Variants in PSKH2 observed in about 807,000 individuals in gnomAD.
The protein encoded by PSKH2 is serine/threonine-protein kinase H2.
Under a neutral mutation model 22.5 loss-of-function variants are expected in PSKH2, and 16 were observed. That is an observed-to-expected ratio of 0.71 (90% CI 0.48 to 1.08). The LOEUF (loss-of-function observed/expected upper bound fraction) is 1.08. Among genes scored for constraint, PSKH2 ranks in the 50% least tolerant of loss-of-function variants. PSKH2 has a pLI of 0.00. For synonymous variants in PSKH2, 188 were observed against 184.8 expected (o/e 1.02, Z -0.14); for missense variants, 516 against 492.8 (o/e 1.05, Z -0.44).
chr8:86,069,469 G>T lies in PSKH2; in HGVS notation c.154C>A (p.Arg52=), dbSNP rs1446657112. The T allele has an allele frequency of 6.2e-7, 1 of 1,600,048 alleles. No homozygotes were observed. Among genetic ancestry groups the T allele is most frequent in the Non-Finnish European group, 8.5e-7 (1 of 1,174,620 alleles). ...AAQRIQVARF[R]AKFDPRVLAR... Reference sequence around the variant, plus strand: ...AGGACCCGGGGGTCGAACTTGGCTCGGAAGCGAGCCACCTGTATCCTCTGC... The same window carrying T: ...AGGACCCGGGGGTCGAACTTGGCTCTGAAGCGAGCCACCTGTATCCTCTGC... Residue 52 remains arginine, a synonymous_variant, in exon 1 of 3, where the codon CGA becomes AGA. Transcript: ENST00000276616.
At position 86,064,297 on chromosome 8, in the gene PSKH2, A is replaced by C; in HGVS notation, c.520T>G (p.Leu174Val). 6.2e-7 allele frequency: 1 copy of C among 1,614,068 alleles called. No individual in the cohort carries two copies. The highest frequency in any genetic ancestry group is 8.5e-7 in the Non-Finnish European group (1 of 1,179,948). The change falls in exon 2 of 3, where the codon TTG becomes GTG. Residue 174 changes from leucine (L) to valine (V), a missense_variant. Transcript: ENST00000276616. ...LQMVADGIRY[L>V]HALQITHRNL... ...CTATGAGTTATCTGCAGCGCATGCA[A>C]ATACCTAATCCCATCAGCAACCATC...
intron 2 of PSKH2, among the ~76,000 whole-genome samples, chr8:86,055,264 A>G (rs1817685271): frequency 6.6e-6 from 1 of 152,212 alleles, no homozygotes; most frequent in East Asian, 1.9e-4. Context: ...TAATCAAGGA[A>G]GCAGATAGCA....
chr8:86,057,551 T>C (rs1817718528), intron 2 of PSKH2, among the ~76,000 whole-genome samples: 1 of 152,024 alleles, frequency 6.6e-6, no homozygotes, highest in Non-Finnish European at 1.5e-5. Context: ...CACACCCAGC[T>C]AATTTTTGTA....
intron 2 of PSKH2, among the ~76,000 whole-genome samples, chr8:86,054,986 T>C (rs4961059): frequency 0.85 from 129,601 of 152,096 alleles, 55,496 homozygotes; most frequent in African/African-American, 0.91. Flanking sequence ...CCAAAATAAA[T>C]GGGTTGGCCT....
chr8:86,052,508 A>G (rs962126725), intron 2 of PSKH2, among the ~76,000 whole-genome samples: 4 of 152,218 alleles, frequency 2.6e-5, no homozygotes, highest in Non-Finnish European at 5.9e-5. Flanking sequence ...CGAGATTGCC[A>G]TTAGGACCAA....
At chr8:86,058,399 A>G (rs567009574) in intron 2 of PSKH2, among the ~76,000 whole-genome samples, 18 of 152,362 alleles carry the variant, frequency 1.2e-4, no homozygotes, top group Non-Finnish European at 1.0e-4. Context: ...ATTATCATCT[A>G]CCTAACTATA....
intron 2 of PSKH2, 22 bp from the exon 3 acceptor site, chr8:86,048,789 T>C: frequency 3.9e-6 from 6 of 1,540,544 alleles, no homozygotes; most frequent in Non-Finnish European, 5.3e-6. Context: ...AATAAATAAG[T>C]TAGAATAAAA....
chr8:86,056,741 T>C lies in PSKH2; in HGVS notation c.852+7224A>G, dbSNP rs114112607. Among the ~76,000 whole-genome samples, 563 of 152,312 alleles carry C rather than the reference T, an allele frequency of 3.7e-3. 5 individuals carry two copies. Among genetic ancestry groups the C allele is most frequent in the African/African-American group, 0.013 (525 of 41,554 alleles). On this transcript the variant is annotated intron_variant, in intron 2 of 2. Coordinates refer to ENST00000276616, the MANE Select transcript of PSKH2 (RefSeq NM_033126.3). ...TCAGCACCTACATCTATTAGCTTAT[T>C]TGATCTTCACAACAACCCTTTTAGG...
At chr8:86,060,451 A>G (rs1397795199) in intron 2 of PSKH2, among the ~76,000 whole-genome samples, 1 of 152,222 alleles carries the variant, frequency 6.6e-6, no homozygotes, top group Non-Finnish European at 1.5e-5. Flanking sequence ...TTGGCAATAG[A>G]CGCTAAATAT....
chr8:86,064,526 T>C lies in PSKH2; in HGVS notation c.291A>G (p.Arg97=), dbSNP rs1400808443. The C allele has an allele frequency of 2.5e-6, 4 of 1,613,906 alleles. No individual in the cohort carries two copies. The highest frequency in any genetic ancestry group is 3.4e-6 in the Non-Finnish European group (4 of 1,179,984). Residue 97 remains arginine, a synonymous_variant, in exon 2 of 3, where the codon AGA becomes AGG. Transcript: ENST00000276616. ...CGCACGCTTCTCTACCTTCCCTCTCTCTGGTTTCCATCACTTTTATTGCAA... is the reference window on the plus strand; with the variant it reads ...CGCACGCTTCTCTACCTTCCCTCTCCCTGGTTTCCATCACTTTTATTGCAA... ...KPFAIKVMET[R]EREGREACVS...
chr8:86,057,059 T>C (rs1383074437), intron 2 of PSKH2, among the ~76,000 whole-genome samples: 2 of 151,758 alleles, frequency 1.3e-5, no homozygotes. Flanking sequence ...GCTAGGACTA[T>C]AGGCACATGT....
At chr8:86,058,353 G>A (rs1198848260) in intron 2 of PSKH2, among the ~76,000 whole-genome samples, 1 of 152,196 alleles carries the variant, frequency 6.6e-6, no homozygotes, top group Non-Finnish European at 1.5e-5. Flanking sequence ...ACCTATTCCA[G>A]AATGGACCTA....
At chr8:86,055,231 G>T (rs1295065553) in intron 2 of PSKH2, among the ~76,000 whole-genome samples, 3 of 152,116 alleles carry the variant, frequency 2.0e-5, no homozygotes, top group African/African-American at 7.2e-5. Context: ...TTCCACTGAT[G>T]ATATCAAGGT....
At chr8:86,049,737 AGAAAGAAAGAAAC>A (rs1160055521) in intron 2 of PSKH2, among the ~76,000 whole-genome samples, 7,623 of 44,048 alleles carry the variant, frequency 0.17, 740 homozygotes, top group East Asian at 0.27. Flanking sequence ...AAAGAAAGAA[AGAAAGAAAGAAAC>A]GAAAGAAAGA....
At position 86,048,308 on chromosome 8, in the gene PSKH2, G is replaced by A. The variant is rs1252666588; in HGVS notation, c.*154C>T. 28 of 593,634 alleles carry A rather than the reference G, an allele frequency of 4.7e-5. No individual in the cohort carries two copies. Among genetic ancestry groups the A allele is most frequent in the Non-Finnish European group, 6.9e-5 (24 of 345,630 alleles). 36.8% of individuals were successfully genotyped at this position (593,634 alleles called of 1,614,324 possible). On this transcript the variant is annotated 3_prime_UTR_variant, in exon 3 of 3. Coordinates refer to ENST00000276616, the MANE Select transcript of PSKH2 (RefSeq NM_033126.3). ...GTATATTTTGGGAAAATGAATACAG[G>A]TATAGGAAAAATTATAGAACAAGAA... is the stretch of plus-strand genomic sequence containing the variant.
rs200368341 is a variant in PSKH2, at chr8:86,048,641, A to G, written c.979T>C (p.Ser327Pro). The G allele has an allele frequency of 5.0e-6, 8 of 1,613,882 alleles. No individual in the cohort carries two copies. In the Admixed American group the frequency reaches 6.7e-5, roughly 13 times the overall value. The change falls in exon 3 of 3, where the codon TCT (serine) becomes CCT (proline). Residue 327 changes from serine to proline, a missense_variant. Coordinates refer to ENST00000276616, the MANE Select transcript of PSKH2 (RefSeq NM_033126.3). ...HPWVITMAAGSSMKNLQRAIS... is the reference protein window; with the variant it reads ...HPWVITMAAGPSMKNLQRAIS... Reference sequence around the variant, plus strand: ...GCCCTCTGGAGATTCTTCATGGAAGACCCTGCAGCCATGGTGATCACCCAG... The same window carrying G: ...GCCCTCTGGAGATTCTTCATGGAAGGCCCTGCAGCCATGGTGATCACCCAG...
In PSKH2 at chr8:86,069,428, G is replaced by C. The variant is rs1227369690; in HGVS notation, c.185+10C>G. Reference sequence around the variant, plus strand: ...CCAGTCCCAGGCCAGTTCCTCACGTGGCGCTTTACCTGGCAAGGACCCGGG... The same window carrying C: ...CCAGTCCCAGGCCAGTTCCTCACGTCGCGCTTTACCTGGCAAGGACCCGGG... On this transcript the variant is annotated intron_variant, in intron 1 of 2. Coordinates refer to ENST00000276616, the MANE Select transcript of PSKH2 (RefSeq NM_033126.3). The C allele has an allele frequency of 2.6e-6, 4 of 1,567,788 alleles. No homozygotes were observed. The African/African-American group carries it at 5.5e-5, about 22-fold the overall frequency.
intron 2 of PSKH2, 68 bp downstream of exon 2, chr8:86,063,897 C>T: frequency 7.7e-7 from 1 of 1,303,102 alleles, no homozygotes; most frequent in Non-Finnish European, 1.1e-6. Flanking sequence ...TCTTAAATGT[C>T]AAAAGTGACA....
In PSKH2 at chr8:86,064,464, C is replaced by T. The variant is rs150030171; in HGVS notation, c.353G>A (p.Arg118His). The change falls in exon 2 of 3, where the codon CGT becomes CAT. Residue 118 changes from arginine (R) to histidine (H), a missense_variant. Physicochemically the swap from Arg to His is conservative, Grantham distance 29 (BLOSUM62 0). Transcript: ENST00000276616. ...ELSVLRRVSH[R>H]YIVQLMEIFE... ...GATCTCCATGAGCTGGACAATGTAACGATGGCTAACCCGCCGCAGGACGCT... is the reference window on the plus strand; with the variant it reads ...GATCTCCATGAGCTGGACAATGTAATGATGGCTAACCCGCCGCAGGACGCT... The T allele has an allele frequency of 2.1e-5, 34 of 1,613,934 alleles. No homozygotes were observed. The highest frequency in any genetic ancestry group is 4.0e-5 in the African/African-American group (3 of 74,882).
Sources: gnomAD v4.1 joint callset for allele counts (sites outside exome capture counted in the v4.1 genomes callset) on GRCh38, gnomAD v4.1.1 for gene constraint, MANE v1.5 for transcripts, NCBI Gene and HGNC (gene_info 2026-07-23, HGNC 2026-07-21) for gene names.